The following TBC1D8 variants were observed in gnomAD, a reference collection of about 807,000 sequenced individuals.
The protein encoded by TBC1D8 is BUB2-like protein 1.
In TBC1D8, 65 loss-of-function variants were observed where a neutral mutation model predicts 118.8. The ratio of observed to expected loss-of-function variants is 0.55; its 90% CI spans 0.45 to 0.67. The LOEUF (loss-of-function observed/expected upper bound fraction) is 0.67, where lower values mean the gene tolerates loss of function less well. Among genes scored for constraint, TBC1D8 ranks in the 30% least tolerant of loss-of-function variants. The pLI is 0.00. For synonymous variants in TBC1D8, 566 were observed against 595.8 expected, an observed-to-expected ratio of 0.95 and a Z score of 0.73; for missense variants, 1,376 against 1,471.2, an observed-to-expected ratio of 0.94 and a Z score of 1.06.
In TBC1D8 at chr2:101,022,281, C is replaced by T. The variant is rs752493871; in HGVS notation, c.2761G>A (p.Asp921Asn). Residue 921 changes from aspartate (D) to asparagine (N), a missense_variant and splice_region_variant, in exon 16 of 20, where the codon GAT becomes AAT. Coordinates refer to ENST00000409318, the MANE Select transcript of TBC1D8 (RefSeq NM_001330348.2). ...IEFKAFVSCLDIMYNGEMNEK... is the reference protein window; with the variant it reads ...IEFKAFVSCLNIMYNGEMNEK... ...ACTGCGAAATCCCACAGAGGCATAC[C>T]GAGGCAGCTCACAAACGCTTTGAAC... 7.4e-6 allele frequency: 12 copies of T among 1,613,336 alleles called. No homozygotes were observed. Among genetic ancestry groups the T allele is most frequent in the African/African-American group, 5.3e-5 (4 of 74,908 alleles).
At chr2:101,058,977 C>T (rs1348240281) in intron 3 of TBC1D8, among the ~76,000 whole-genome samples, 1 of 151,626 alleles carries the variant, frequency 6.6e-6, no homozygotes, top group African/African-American at 2.4e-5. Context: ...TCTGTCTCGG[C>T]TCACTGCAAG....
At chr2:101,092,083 A>G (rs1020763562) in intron 1 of TBC1D8, among the ~76,000 whole-genome samples, 1 of 152,230 alleles carries the variant, frequency 6.6e-6, no homozygotes, top group African/African-American at 2.4e-5. Flanking sequence ...ATGTCCCAAT[A>G]ATGTCCTTTT....
chr2:101,137,826 G>T (rs1165433109), intron 1 of TBC1D8, among the ~76,000 whole-genome samples: 1 of 152,136 alleles, frequency 6.6e-6, no homozygotes, highest in East Asian at 1.9e-4. Context: ...TCTCCTCAAA[G>T]AACTCTTTTT....
chr2:101,057,140 A>C (rs1367138479), intron 3 of TBC1D8, among the ~76,000 whole-genome samples: 1 of 152,200 alleles, frequency 6.6e-6, no homozygotes, highest in Admixed American at 6.5e-5. Flanking sequence ...AGAAACCACA[A>C]ACACCAAAAA....
chr2:101,012,653 C>T (rs1431613858), intron 17 of TBC1D8, among the ~76,000 whole-genome samples: 8 of 151,530 alleles, frequency 5.3e-5, no homozygotes, highest in Non-Finnish European at 1.2e-4. Flanking sequence ...TTGAATTGTA[C>T]GCTTTAAACG....
intron 15 of TBC1D8, 49 bp from the exon 16 acceptor site, chr2:101,022,570 C>T: frequency 6.4e-7 from 1 of 1,564,746 alleles, no homozygotes; most frequent in Non-Finnish European, 8.6e-7. Context: ...TTGAACAAGC[C>T]ACGTTATTAA....
At chr2:101,017,772 C>T in intron 17 of TBC1D8, 3 of 1,462,544 alleles carry the variant, frequency 2.1e-6, no homozygotes, top group Non-Finnish European at 1.9e-6. Context: ...TAAGATGTTA[C>T]CAAAATCTTG....
intron 1 of TBC1D8, among the ~76,000 whole-genome samples, chr2:101,090,629 C>A (rs141441021): frequency 6.6e-6 from 1 of 152,198 alleles, no homozygotes; most frequent in Non-Finnish European, 1.5e-5. Context: ...CTGAACCAGT[C>A]GCCCAGCCTA....
chr2:101,113,104 C>G (rs1677677729), intron 1 of TBC1D8, among the ~76,000 whole-genome samples: 1 of 152,156 alleles, frequency 6.6e-6, no homozygotes, highest in Non-Finnish European at 1.5e-5. Flanking sequence ...AAAATCACAT[C>G]AAGAGAACCA....
intron 17 of TBC1D8, chr2:101,019,338 G>A (rs182328187): frequency 6.5e-4 from 168 of 259,072 alleles, no homozygotes; most frequent in African/African-American, 2.6e-3. Flanking sequence ...CTTTCATTTC[G>A]TAACTAGTAT....
chr2:101,029,019 A>AC (rs1318602996), intron 12 of TBC1D8, among the ~76,000 whole-genome samples: 1 of 152,064 alleles, frequency 6.6e-6, no homozygotes, highest in Non-Finnish European at 1.5e-5. Context: ...GGCACCCTTC[A>AC]CCCCATGCCT....
intron 1 of TBC1D8, among the ~76,000 whole-genome samples, chr2:101,125,849 T>C (rs72822927): frequency 0.1 from 15,757 of 152,260 alleles, 1,079 homozygotes; most frequent in Non-Finnish European, 0.15. Flanking sequence ...CGAACTTCAT[T>C]TGAGTTCTTA....
Position 101,008,199 on chromosome 2 carries a change from T to C in TBC1D8, c.3090A>G (p.Gln1030=). Reference sequence around the variant, plus strand: ...GCAGTGTGGTGACTGTGGCGATGGCTTGATACAAATCATTTTCTTCTGGAT... The same window carrying C: ...GCAGTGTGGTGACTGTGGCGATGGCCTGATACAAATCATTTTCTTCTGGAT... ...HEDPEENDLY[Q]AIATVTTLLL... is the part of the protein sequence containing the mutation. Residue 1030 remains glutamine, a synonymous_variant, in exon 20 of 20, where the codon CAA becomes CAG. Transcript: ENST00000409318. The C allele has an allele frequency of 1.9e-6, 3 of 1,610,752 alleles. No individual in the cohort carries two copies. Among genetic ancestry groups the C allele is most frequent in the Non-Finnish European group, 2.5e-6 (3 of 1,178,546 alleles).
At chr2:101,098,083 A>T (rs1419609187) in intron 1 of TBC1D8, among the ~76,000 whole-genome samples, 2 of 152,106 alleles carry the variant, frequency 1.3e-5, no homozygotes, top group East Asian at 1.9e-4. Flanking sequence ...GAAAGGTTTT[A>T]AAAAAAGAAA....
At chr2:101,027,616 TCC>T (rs931250509) in intron 14 of TBC1D8, among the ~76,000 whole-genome samples, 165 bp from the exon 15 acceptor site, 2 of 152,196 alleles carry the variant, frequency 1.3e-5, no homozygotes, top group African/African-American at 4.8e-5. Context: ...CAGGTATCTT[TCC>T]CAGGTGTTTC....
chr2:101,007,641 CAA>C lies in TBC1D8; in HGVS notation c.*178_*179del, dbSNP rs1280951056. ...GATACCTTAGGGCACTGACAATTCT[CAA>C]TACATAGAAATGCTTGAGGGTTGTG... On this transcript the variant is annotated 3_prime_UTR_variant, in exon 20 of 20. Coordinates refer to ENST00000409318, the MANE Select transcript of TBC1D8 (RefSeq NM_001330348.2). 3 of 645,262 alleles carry C rather than the reference CAA, an allele frequency of 4.6e-6. No individual in the cohort carries two copies. In the African/African-American group the frequency reaches 5.5e-5, roughly 12 times the overall value. The allele number at this position is 645,262 out of a possible 1,614,324, so 40.0% of individuals were successfully genotyped here. A position where few individuals can be genotyped will look rare whatever the true frequency, so the allele number is the denominator to read the frequency against.
chr2:101,037,421 T>C (rs1303637813), intron 8 of TBC1D8, 111 bp downstream of exon 8: 1 of 1,458,532 alleles, frequency 6.9e-7, no homozygotes, highest in African/African-American at 1.4e-5. Context: ...GGAGGAGCGT[T>C]AGCTTCCCAA....
chr2:101,020,373 C>G (rs1029474681), intron 17 of TBC1D8, among the ~76,000 whole-genome samples: 2 of 151,938 alleles, frequency 1.3e-5, no homozygotes, highest in African/African-American at 4.8e-5. Context: ...TTATGCATGC[C>G]TTCTATGTTA....
intron 5 of TBC1D8, among the ~76,000 whole-genome samples, chr2:101,048,754 A>C (rs1013579961): frequency 6.6e-6 from 1 of 152,024 alleles, no homozygotes; most frequent in African/African-American, 2.4e-5. Context: ...AAAAAAAAAA[A>C]CACTATATTA....
Sources: allele counts gnomAD v4.1 joint callset (sites outside exome capture counted in the v4.1 genomes callset), GRCh38; gene constraint gnomAD v4.1.1; transcripts MANE v1.5; gene names NCBI Gene and HGNC (gene_info 2026-07-23, HGNC 2026-07-21).